EPHA6: variants seen among roughly 807,000 people sequenced by gnomAD.
EPHA6 encodes EPH receptor A6, also known as ephrin type-A receptor 6.
Under a neutral mutation model 112.0 loss-of-function variants are expected in EPHA6, and 50 were observed. That is an observed-to-expected ratio of 0.45 (90% CI 0.36 to 0.56). The LOEUF (loss-of-function observed/expected upper bound fraction) is 0.56. Among genes scored for constraint, EPHA6 ranks in the 20% least tolerant of loss-of-function variants. The pLI, the probability that EPHA6 is intolerant of heterozygous loss-of-function variation, is 0.00. For synonymous variants in EPHA6, 529 were observed against 490.7 expected, an observed-to-expected ratio of 1.08 and a Z score of -1.03; for missense variants, 1,280 against 1,417.4, an observed-to-expected ratio of 0.90 and a Z score of 1.56.
intron 10 of EPHA6, among the ~76,000 whole-genome samples, chr3:97,505,011 G>T (rs888918706): frequency 6.6e-6 from 1 of 151,494 alleles, no homozygotes; most frequent in Non-Finnish European, 1.5e-5. Context: ...TATTTGATCT[G>T]GTTACATGAG....
chr3:97,562,844 C>A (rs1395963542), intron 11 of EPHA6, among the ~76,000 whole-genome samples: 1 of 152,072 alleles, frequency 6.6e-6, no homozygotes, highest in African/African-American at 2.4e-5. Context: ...ACATCAGCAG[C>A]CATCAACATC....
chr3:97,007,527 A>G (rs2043930392), intron 3 of EPHA6, among the ~76,000 whole-genome samples: 1 of 151,866 alleles, frequency 6.6e-6, no homozygotes, highest in South Asian at 2.1e-4. Flanking sequence ...TCTCCTGAAT[A>G]CAGAACACCG....
chr3:97,200,199 G>A (rs1392759434), intron 3 of EPHA6, among the ~76,000 whole-genome samples: 1 of 152,084 alleles, frequency 6.6e-6, no homozygotes, highest in Non-Finnish European at 1.5e-5. Flanking sequence ...GTAAAAGTTT[G>A]ATAGTGATAT....
intron 5 of EPHA6, among the ~76,000 whole-genome samples, chr3:97,341,784 C>T (rs1180002844): frequency 6.6e-6 from 1 of 152,158 alleles, no homozygotes; most frequent in Non-Finnish European, 1.5e-5. Flanking sequence ...GGTATATTCT[C>T]TTTCTCAACG....
chr3:97,307,044 G>A (rs1048439444), intron 5 of EPHA6, among the ~76,000 whole-genome samples: 2 of 151,672 alleles, frequency 1.3e-5, no homozygotes, highest in East Asian at 1.9e-4. Flanking sequence ...GAGCTATGAA[G>A]TATTTGTTAT....
intron 2 of EPHA6, among the ~76,000 whole-genome samples, chr3:96,907,072 G>A (rs558752862): frequency 1.4e-4 from 21 of 151,736 alleles, no homozygotes; most frequent in African/African-American, 5.1e-4. Flanking sequence ...CTACTCTCCT[G>A]ATGAACTATT....
At chr3:96,961,650 A>T (rs2041952325) in intron 2 of EPHA6, among the ~76,000 whole-genome samples, 1 of 138,310 alleles carries the variant, frequency 7.2e-6, no homozygotes, top group Admixed American at 6.8e-5. Flanking sequence ...TACCTGTGTG[A>T]TACACTTCAG....
rs560714925 is a variant in EPHA6, at chr3:96,904,238, A to G, written c.450+37349A>G. Among the ~76,000 whole-genome samples the G allele has an allele frequency of 3.4e-4, 51 of 152,234 alleles. No individual in the cohort carries two copies. The East Asian group carries it at 9.6e-3, about 29-fold the overall frequency. On this transcript the variant is annotated intron_variant, in intron 2 of 17. Coordinates refer to ENST00000389672, the MANE Select transcript of EPHA6 (RefSeq NM_001080448.3). ...TCCAACAATGATAGACTGGATTAAG[A>G]AAATGTGGCACATATACACCATGGA...
At chr3:97,583,299 G>A (rs1333374735) in intron 11 of EPHA6, among the ~76,000 whole-genome samples, 1 of 151,904 alleles carries the variant, frequency 6.6e-6, no homozygotes, top group Non-Finnish European at 1.5e-5. Context: ...CAGCACTTTG[G>A]GAAGCCGAGG....
At chr3:97,747,282 T>C in intron 16 of EPHA6, 141 bp from the exon 17 acceptor site, 1 of 693,684 alleles carries the variant, frequency 1.4e-6, no homozygotes, top group Non-Finnish European at 2.1e-6. Flanking sequence ...TTGAATAAGA[T>C]AGAAAATCAG....
At chr3:97,061,083 C>T (rs191843820) in intron 3 of EPHA6, among the ~76,000 whole-genome samples, 1 of 152,018 alleles carries the variant, frequency 6.6e-6, no homozygotes, top group Admixed American at 6.6e-5. Context: ...ATCTTGGTAA[C>T]AGACATTACA....
chr3:97,489,313 T>G (rs886632391), intron 10 of EPHA6, among the ~76,000 whole-genome samples: 5 of 152,226 alleles, frequency 3.3e-5, no homozygotes, highest in African/African-American at 1.2e-4. Context: ...TAGTTGAAAA[T>G]TAGTAATTGA....
intron 2 of EPHA6, among the ~76,000 whole-genome samples, chr3:96,979,760 G>A (rs2042682491): frequency 6.6e-6 from 1 of 152,220 alleles, no homozygotes; most frequent in South Asian, 2.1e-4. Flanking sequence ...GTGTGAGATG[G>A]TATCTCATTG....
chr3:97,034,297 A>G (rs757622245), intron 3 of EPHA6, among the ~76,000 whole-genome samples: 13 of 151,898 alleles, frequency 8.6e-5, no homozygotes, highest in Admixed American at 2.0e-4. Flanking sequence ...CTGACCTCCA[A>G]TGTGATGTTA....
At chr3:97,281,235 G>A (rs536924139) in intron 5 of EPHA6, among the ~76,000 whole-genome samples, 9 of 151,714 alleles carry the variant, frequency 5.9e-5, no homozygotes, top group South Asian at 2.1e-4. Context: ...GTGTGCGCGC[G>A]TGTGTGCATG....
chr3:97,447,047 A>T (rs1241249029), intron 6 of EPHA6, among the ~76,000 whole-genome samples: 2 of 152,100 alleles, frequency 1.3e-5, no homozygotes, highest in Admixed American at 6.6e-5. Context: ...ATGTTTAATA[A>T]GCAGTTTTAT....
At position 97,114,933 on chromosome 3, in the gene EPHA6, T is replaced by A. The variant is rs549012307; in HGVS notation, c.1115-111331T>A. 4.6e-5 allele frequency among the ~76,000 whole-genome samples: 7 copies of A among 151,996 alleles called. No homozygotes were observed. In the South Asian group the frequency reaches 1.5e-3, roughly 32 times the overall value. On this transcript the variant is annotated intron_variant, in intron 3 of 17. Coordinates refer to ENST00000389672, the MANE Select transcript of EPHA6 (RefSeq NM_001080448.3). ...TAAAAACAGAACTAACTCTTAAGAGTGGATTTGCTGGAAAATAAAGTTAAT... is the reference window on the plus strand; with the variant it reads ...TAAAAACAGAACTAACTCTTAAGAGAGGATTTGCTGGAAAATAAAGTTAAT...
intron 3 of EPHA6, among the ~76,000 whole-genome samples, chr3:97,096,003 A>G (rs1398025579): frequency 6.6e-6 from 1 of 152,000 alleles, no homozygotes; most frequent in Non-Finnish European, 1.5e-5. Context: ...TAGAACCAAA[A>G]GTTTAAGAAC....
At chr3:97,165,140 G>GT (rs2076509730) in intron 3 of EPHA6, among the ~76,000 whole-genome samples, 1 of 152,078 alleles carries the variant, frequency 6.6e-6, no homozygotes, top group South Asian at 2.1e-4. Flanking sequence ...ATGTGTTTCT[G>GT]TTTTTGCATT....
Sources: gnomAD v4.1 joint callset for allele counts (sites outside exome capture counted in the v4.1 genomes callset) on GRCh38, gnomAD v4.1.1 for gene constraint, MANE v1.5 for transcripts, NCBI Gene and HGNC (gene_info 2026-07-23, HGNC 2026-07-21) for gene names.